ICE1: variants seen among roughly 807,000 people sequenced by gnomAD.
ICE1 encodes little elongation complex subunit 1.
A neutral mutation model predicts 192.7 loss-of-function variants in ICE1; 64 were observed. The ratio of observed to expected loss-of-function variants is 0.33; its 90% CI spans 0.27 to 0.41. The LOEUF is 0.41. ICE1 is among the 10% of genes least tolerant of loss of function. The pLI, the probability that ICE1 is intolerant of heterozygous loss-of-function variation, is 1.00. For missense variants in ICE1, 2,708 were observed against 2,696.0 expected (o/e 1.00, Z -0.10); for synonymous variants, 1,010 against 984.5 (o/e 1.03, Z -0.49).
At chr5:5,445,028 C>T (rs1007759500) in intron 7 of ICE1, among the ~76,000 whole-genome samples, 1 of 152,212 alleles carries the variant, frequency 6.6e-6, no homozygotes, top group African/African-American at 2.4e-5. Flanking sequence ...ATCCTGCACA[C>T]GATCTTCCTG....
At chr5:5,439,871 A>G in intron 3 of ICE1, 24 bp from the exon 4 acceptor site, 3 of 1,513,354 alleles carry the variant, frequency 2.0e-6, no homozygotes, top group South Asian at 2.5e-5. Context: ...TAAAATTCTC[A>G]GAGTTTTCTT....
In ICE1 at chr5:5,470,524, A is replaced by G. The variant is rs902937383; in HGVS notation, c.6222+1536A>G. 9.2e-5 allele frequency among the ~76,000 whole-genome samples: 14 copies of G among 152,258 alleles called. No homozygotes were observed. The East Asian group carries it at 1.9e-3, about 21-fold the overall frequency. On this transcript the variant is annotated intron_variant, in intron 15 of 18. Coordinates refer to ENST00000296564, the MANE Select transcript of ICE1 (RefSeq NM_015325.3). ...AGAAATACTTGGGGAATAAAACCCCATTATATTACAGGATTTCCAAATACT... is the reference window on the plus strand; with the variant it reads ...AGAAATACTTGGGGAATAAAACCCCGTTATATTACAGGATTTCCAAATACT...
rs780253418 is a variant in ICE1 at position 5,473,795 on chromosome 5, G to C, written c.6413+47G>C. The C allele has an allele frequency of 3.7e-6, 5 of 1,351,208 alleles. No homozygotes were observed. In the Admixed American group the frequency reaches 1.1e-4, roughly 30 times the overall value. 83.7% of individuals were successfully genotyped at this position (1,351,208 alleles called of 1,614,324 possible). ...AATAAAGATATGTTATTGTAAGGTT[G>C]AATTGTTGAACACTGAATTGTGGCT... On this transcript the variant is annotated intron_variant, in intron 16 of 18. Transcript: ENST00000296564.
In ICE1 at chr5:5,460,816, A is replaced by G; in HGVS notation, c.1482A>G (p.Ser494=). ...TQMEVREMDK[S]VQTEKTIHKL... ...TGGAGGTTAGGGAGATGGATAAGTC[A>G]GTACAAACTGAGAAGACCATTCATA... is the stretch of plus-strand genomic sequence containing the variant. Residue 494 remains serine (S), a synonymous_variant, in exon 13 of 19, where the codon TCA becomes TCG. Transcript: ENST00000296564. 1.2e-6 allele frequency: 2 copies of G among 1,614,064 alleles called. No homozygotes were observed. The highest frequency in any genetic ancestry group is 8.5e-7 in the Non-Finnish European group (1 of 1,179,900).
chr5:5,454,485 A>G, intron 10 of ICE1, 67 bp from the exon 11 acceptor site: 1 of 1,045,200 alleles, frequency 9.6e-7, no homozygotes, highest in South Asian at 1.3e-5. Flanking sequence ...ATTTCACAGA[A>G]GTATGTTCTG....
chr5:5,436,121 G>T (rs541913284), intron 1 of ICE1, among the ~76,000 whole-genome samples: 1 of 152,082 alleles, frequency 6.6e-6, no homozygotes, highest in Non-Finnish European at 1.5e-5. Flanking sequence ...AAAGATTGAT[G>T]ATTAATAGCA....
chr5:5,488,388 C>G (rs1376091463), intron 18 of ICE1, among the ~76,000 whole-genome samples: 2 of 152,154 alleles, frequency 1.3e-5, no homozygotes, highest in African/African-American at 4.8e-5. Flanking sequence ...GAGAGCATCC[C>G]TAATCAGAAA....
intron 12 of ICE1, among the ~76,000 whole-genome samples, chr5:5,458,594 G>A (rs932007699): frequency 1.4e-4 from 22 of 152,196 alleles, no homozygotes; most frequent in African/African-American, 5.3e-4. Context: ...GTTGCTTCAG[G>A]TGGAGGAGCT....
intron 17 of ICE1, among the ~76,000 whole-genome samples, chr5:5,478,194 T>A (rs990320609): frequency 6.6e-6 from 1 of 152,226 alleles, no homozygotes; most frequent in African/African-American, 2.4e-5. Flanking sequence ...ATGACATGAT[T>A]GTATATTTAG....
rs1258420510 is a variant in ICE1 at position 5,441,174 on chromosome 5, A to G, written c.260A>G (p.Lys87Arg). ...CTTCAAAAAATTTCTCCTCTACAGA[A>G]ATGTCAGGAAGAACTGGGATCTTTA... The part of the protein sequence containing the change: ...EMLQKISPLQ[K>R]CQEELGSLKA... Residue 87 changes from lysine (K) to arginine (R), a missense_variant, in exon 5 of 19, where the codon AAA becomes AGA. Lys to Arg is a conservative substitution (Grantham distance 26). Transcript: ENST00000296564. The G allele has an allele frequency of 1.3e-6, 2 of 1,565,218 alleles. No homozygotes were observed. Among genetic ancestry groups the G allele is most frequent in the Non-Finnish European group, 1.7e-6 (2 of 1,153,720 alleles).
At chr5:5,445,215 A>T (rs1454947992) in intron 7 of ICE1, among the ~76,000 whole-genome samples, 1 of 152,176 alleles carries the variant, frequency 6.6e-6, no homozygotes, top group Non-Finnish European at 1.5e-5. Flanking sequence ...TCTAGTCACT[A>T]ATTTTTCTTG....
intron 17 of ICE1, among the ~76,000 whole-genome samples, chr5:5,481,292 T>A (rs1014822528): frequency 6.6e-6 from 1 of 152,136 alleles, no homozygotes; most frequent in Non-Finnish European, 1.5e-5. Flanking sequence ...ATATGGTGAT[T>A]TTTTTGTTCT....
rs376099783 is a variant in ICE1, at chr5:5,457,612, T to C, written c.972T>C (p.His324=). 3.8e-5 allele frequency: 62 copies of C among 1,613,458 alleles called. No homozygotes were observed. The highest frequency in any genetic ancestry group is 4.8e-5 in the Non-Finnish European group (57 of 1,179,536). ...GTACTGAATTTGTTGATCATGATCA[T>C]TTTTTTGATGAAGATCTTCAAGCTG... The part of the protein sequence containing the change: ...GGSTEFVDHD[H]FFDEDLQAAI... Residue 324 remains histidine (H), a synonymous_variant, in exon 12 of 19, where the codon CAT becomes CAC. Coordinates refer to ENST00000296564, the MANE Select transcript of ICE1 (RefSeq NM_015325.3).
In ICE1 at chr5:5,487,908, T is replaced by C. The variant is rs111502362; in HGVS notation, c.6619+1089T>C. 5.3e-3 allele frequency among the ~76,000 whole-genome samples: 811 copies of C among 152,256 alleles called. 6 individuals are homozygous for C. Among genetic ancestry groups the C allele is most frequent in the East Asian group, 0.027 (139 of 5,164 alleles). ...TGAGTGGATGGCATTGTCCTTCTTG[T>C]ATACAGGAGGAAACCAAAGCTCAGA... On this transcript the variant is annotated intron_variant, in intron 18 of 18. Coordinates refer to ENST00000296564, the MANE Select transcript of ICE1 (RefSeq NM_015325.3).
rs1235631478 is a variant in ICE1 at position 5,447,493 on chromosome 5, A to T, written c.491A>T (p.Glu164Val). ...LRNEKKILEK[E>V]FKKTQERLDE... is the part of the protein sequence containing the mutation. ...AATGAAAAGAAAATACTTGAAAAGG[A>T]ATTTAAGAAGACACAGGTACTAGAT... The change falls in exon 8 of 19, where the codon GAA becomes GTA. Residue 164 changes from glutamate (E) to valine (V), a missense_variant. This residue lies in a region of ICE1 where 2,366 missense variants were observed against 2,276.6 expected (regional missense o/e 1.04). Transcript: ENST00000296564. 3.9e-6 allele frequency: 6 copies of T among 1,551,882 alleles called. No individual in the cohort carries two copies. The South Asian group carries it at 7.1e-5, about 18-fold the overall frequency.
At position 5,461,900 on chromosome 5, in the gene ICE1, A is replaced by G; in HGVS notation, c.2566A>G (p.Asn856Asp). The G allele has an allele frequency of 1.2e-6, 2 of 1,613,874 alleles. No homozygotes were observed. Among genetic ancestry groups the G allele is most frequent in the East Asian group, 4.5e-5 (2 of 44,870 alleles). Residue 856 changes from asparagine to aspartate, a missense_variant, in exon 13 of 19, where the codon AAT (asparagine) becomes GAT (aspartate). This residue lies in a region of ICE1 where 2,366 missense variants were observed against 2,276.6 expected (regional missense o/e 1.04). Transcript: ENST00000296564. ...CAAGACCACTGCATCGGTGTTGCCT[A>G]ATCAAGTATCAGTTATCACAAAACA... ...EFKTTASVLP[N>D]QVSVITKQTR...
At chr5:5,427,294 T>G (rs1037920807) in intron 1 of ICE1, among the ~76,000 whole-genome samples, 3 of 152,212 alleles carry the variant, frequency 2.0e-5, no homozygotes, top group African/African-American at 7.2e-5. Context: ...GTTGCAGAAC[T>G]TTGGCAGTCA....
At position 5,461,607 on chromosome 5, in the gene ICE1, G is replaced by A; in HGVS notation, c.2273G>A (p.Arg758Lys). ...KDGQCESQDP[R>K]IELTLNKPDF... ...GGGCAATGTGAAAGTCAAGATCCAA[G>A]AATTGAGCTCACACTAAATAAGCCA... The change falls in exon 13 of 19, where the codon AGA becomes AAA. Residue 758 changes from arginine (R) to lysine (K), a missense_variant. Transcript: ENST00000296564. 6.2e-7 allele frequency: 1 copy of A among 1,613,274 alleles called. No homozygotes were observed. The highest frequency in any genetic ancestry group is 8.5e-7 in the Non-Finnish European group (1 of 1,179,574).
chr5:5,476,857 T>G (rs1739329941), intron 17 of ICE1, among the ~76,000 whole-genome samples: 1 of 152,154 alleles, frequency 6.6e-6, no homozygotes, highest in Non-Finnish European at 1.5e-5. Context: ...ACCTGCCCAA[T>G]TTTTTCATAC....
Sources: allele counts gnomAD v4.1 joint callset (sites outside exome capture counted in the v4.1 genomes callset), GRCh38; gene constraint gnomAD v4.1.1; regional missense constraint gnomAD v4.1.1; transcripts MANE v1.5; gene names NCBI Gene and HGNC (gene_info 2026-07-23, HGNC 2026-07-21).